SH2D2A: variants seen among roughly 807,000 people sequenced by gnomAD.
SH2D2A encodes the protein SH2 domain-containing protein 2A.
SH2D2A carries 33 observed loss-of-function variants against 43.6 expected under a neutral mutation model. That is an observed-to-expected ratio of 0.76 (90% CI 0.57 to 1.01). SH2D2A has a LOEUF of 1.01. Ranked by LOEUF, SH2D2A falls within the 50% of genes least tolerant of loss-of-function variation. The pLI is 0.00. For missense variants in SH2D2A, 491 were observed against 503.1 expected, an observed-to-expected ratio of 0.98 and a Z score of 0.23; for synonymous variants, 212 against 206.1, an observed-to-expected ratio of 1.03 and a Z score of -0.25.
In SH2D2A at chr1:156,815,765, G is replaced by A. The variant is rs1006353272; in HGVS notation, c.123+241C>T. On this transcript the variant is annotated intron_variant, in intron 2 of 8. Transcript: ENST00000368199. ...TCAATGCACTGCACCCTGGTCATCT[G>A]CGGACTCAGCCTGAGCTTCCAGAGG... 1.9e-6 allele frequency: 3 copies of A among 1,602,240 alleles called. No individual in the cohort carries two copies. The African/African-American group carries it at 4.0e-5, about 21-fold the overall frequency.
Position 156,809,577 on chromosome 1 carries a change from C to G in SH2D2A, c.714+84G>C. 6.4e-7 allele frequency: 1 copy of G among 1,550,838 alleles called. No individual in the cohort carries two copies. Among genetic ancestry groups the G allele is most frequent in the South Asian group, 1.2e-5 (1 of 80,690 alleles). Reference sequence around the variant, plus strand: ...CTAACTCCCAGCCTGAGCCTCTGCCCCCGCTAGGCCCCTCCTCCTCCCCGC... The same window carrying G: ...CTAACTCCCAGCCTGAGCCTCTGCCGCCGCTAGGCCCCTCCTCCTCCCCGC... On this transcript the variant is annotated intron_variant, in intron 6 of 8. Transcript: ENST00000368199. The surrounding 1 kb of genome is among the most constrained non-coding windows in gnomAD (Gnocchi z 4.8).
At chr1:156,814,853 C>A in intron 3 of SH2D2A, 184 bp downstream of exon 3, 1 of 511,168 alleles carries the variant, frequency 2.0e-6, no homozygotes, top group Non-Finnish European at 3.5e-6. Context: ...CCAATGATCT[C>A]CCCTGGAGAG....
In SH2D2A at chr1:156,809,174, C is replaced by G; in HGVS notation, c.1002+29G>C. 1 of 1,575,118 alleles carries G rather than the reference C, an allele frequency of 6.3e-7. No individual in the cohort carries two copies. The highest frequency in any genetic ancestry group is 1.4e-5 in the African/African-American group (1 of 74,002). On this transcript the variant is annotated intron_variant, in intron 7 of 8. Transcript: ENST00000368199. The surrounding 1 kb of genome is among the most constrained non-coding windows in gnomAD (Gnocchi z 4.8). ...ATCTACCTGCAGGGAGACCTTCTTG[C>G]ACCTACCTTTCCCTGCATACCCATT...
Position 156,812,348 on chromosome 1 carries a change from C to G in SH2D2A, c.567+1500G>C, listed in dbSNP as rs183454655. Reference sequence around the variant, plus strand: ...TGCATACAAGAGTCTACAGGGCCCCCCTCCCTCACCCCTCTGATCTCATCT... The same window carrying G: ...TGCATACAAGAGTCTACAGGGCCCCGCTCCCTCACCCCTCTGATCTCATCT... On this transcript the variant is annotated intron_variant, in intron 5 of 8. Transcript: ENST00000368199. Among the ~76,000 whole-genome samples, 13 of 152,230 alleles carry G rather than the reference C, an allele frequency of 8.5e-5. No individual in the cohort carries two copies. In the South Asian group the frequency reaches 1.0e-3, roughly 12 times the overall value.
At chr1:156,806,732 C>T (rs943546851) in intron 8 of SH2D2A, among the ~76,000 whole-genome samples, 159 bp from the exon 9 acceptor site, 4 of 152,204 alleles carry the variant, frequency 2.6e-5, no homozygotes, top group African/African-American at 7.2e-5. Context: ...TGGTAAGGAA[C>T]AAAGCACTAA....
Position 156,815,185 on chromosome 1 carries a change from C to T in SH2D2A, c.160G>A (p.Gly54Arg). Residue 54 changes from glycine (G) to arginine (R), a missense_variant, in exon 3 of 9, where the codon GGG becomes AGG. Gly to Arg is a moderately radical substitution (Grantham distance 125, BLOSUM62 -2). Transcript: ENST00000368199. Reference protein sequence around the residue: ...PQAPEAASNTGNAERAEEVPG... With the variant: ...PQAPEAASNTRNAERAEEVPG... ...ACCTCCTCTGCCCTCTCAGCATTCC[C>T]TGTGTTGGAGGCAGCCTCCGGGGCC... The T allele has an allele frequency of 1.3e-6, 2 of 1,592,634 alleles. No homozygotes were observed. Among genetic ancestry groups the T allele is most frequent in the South Asian group, 1.1e-5 (1 of 87,918 alleles).
At chr1:156,814,377 C>A in intron 3 of SH2D2A, 83 bp from the exon 4 acceptor site, 1 of 1,545,832 alleles carries the variant, frequency 6.5e-7, no homozygotes, top group Non-Finnish European at 8.7e-7. Flanking sequence ...CACGAGGAAC[C>A]CCTACCCCCA....
intron 5 of SH2D2A, 134 bp downstream of exon 5, chr1:156,813,714 G>C (rs1653585391): frequency 2.4e-6 from 2 of 818,930 alleles, no homozygotes; most frequent in African/African-American, 3.6e-5. Context: ...GAAGATGCCT[G>C]GGTAAGGGAG....
intron 5 of SH2D2A, among the ~76,000 whole-genome samples, chr1:156,810,509 T>TA (rs1653333007): frequency 6.6e-6 from 1 of 150,990 alleles, no homozygotes; most frequent in African/African-American, 2.4e-5. Flanking sequence ...CCGGTTACTT[T>TA]ATGGAAATAT....
chr1:156,806,952 A>C (rs1171447778), intron 8 of SH2D2A, among the ~76,000 whole-genome samples: 1 of 152,136 alleles, frequency 6.6e-6, no homozygotes, highest in African/African-American at 2.4e-5. Flanking sequence ...TGACCTTAAC[A>C]TCCTTTCCAA....
At position 156,809,817 on chromosome 1, in the gene SH2D2A, A is replaced by T; in HGVS notation, c.568-10T>A. The T allele has an allele frequency of 6.2e-7, 1 of 1,613,160 alleles. No homozygotes were observed. Among genetic ancestry groups the T allele is most frequent in the Non-Finnish European group, 8.5e-7 (1 of 1,179,470 alleles). ...CTGCAGGCTCAGGAGTCTGCTGGGA[A>T]AGAAGGAGGTCTGAGGCACTCGGTG... On this transcript the variant is annotated splice_polypyrimidine_tract_variant and intron_variant, in intron 5 of 8. Transcript: ENST00000368199. The surrounding 1 kb of genome is among the most constrained non-coding windows in gnomAD (Gnocchi z 4.8).
Position 156,807,275 on chromosome 1 carries a change from G to A in SH2D2A, c.1073C>T (p.Pro358Leu), listed in dbSNP as rs1452556358. 1.9e-6 allele frequency: 3 copies of A among 1,599,042 alleles called. No individual in the cohort carries two copies. In the East Asian group the frequency reaches 6.7e-5, roughly 36 times the overall value. ...IGQGPPLPHQ[P>L]PPAWRHTLPH... ...GAGGGTGTGTCTCCAGGCGGGTGGG[G>A]GCTGGTGGGGCAGGGGAGGGCCTTG... Residue 358 changes from proline (P) to leucine (L), a missense_variant, in exon 8 of 9, where the codon CCC becomes CTC. Coordinates refer to ENST00000368199, the MANE Select transcript of SH2D2A (RefSeq NM_003975.4). The surrounding 1 kb of genome is among the most constrained non-coding windows in gnomAD (Gnocchi z 5.1).
At position 156,806,593 on chromosome 1, in the gene SH2D2A, A is replaced by C. The variant is rs1198894390; in HGVS notation, c.*4-20T>G. ...CCAGACCTGTCAGGGGGACAGAGTT[A>C]AGCCAGGATCCACAGGAGGGGACCA... On this transcript the variant is annotated intron_variant, in intron 8 of 8. Coordinates refer to ENST00000368199, the MANE Select transcript of SH2D2A (RefSeq NM_003975.4). The C allele has an allele frequency of 6.4e-6, 1 of 156,432 alleles. No homozygotes were observed. The highest frequency in any genetic ancestry group is 1.4e-5 in the Non-Finnish European group (1 of 70,674). 9.7% of individuals were successfully genotyped at this position (156,432 alleles called of 1,614,324 possible). A position where few individuals can be genotyped will look rare whatever the true frequency, so the allele number is the denominator to read the frequency against.
At chr1:156,810,675 C>T (rs1281459784) in intron 5 of SH2D2A, among the ~76,000 whole-genome samples, 1 of 152,142 alleles carries the variant, frequency 6.6e-6, no homozygotes, top group African/African-American at 2.4e-5. Flanking sequence ...CGCCCACCAC[C>T]ACACCCAGCT....
intron 2 of SH2D2A, chr1:156,815,470 G>A (rs1385392141): frequency 2.6e-5 from 15 of 581,114 alleles, no homozygotes; most frequent in Non-Finnish European, 4.3e-5. Context: ...GCAGCAGTGA[G>A]CTGTCACACT....
intron 1 of SH2D2A, 185 bp from the exon 2 acceptor site, chr1:156,816,279 G>T: frequency 2.0e-6 from 1 of 502,314 alleles, no homozygotes; most frequent in Non-Finnish European, 2.6e-6. Context: ...CGGCATGGGG[G>T]GCTAATGCTG....
Position 156,815,222 on chromosome 1 carries a change from C to T in SH2D2A, c.124-1G>A. ...CAGCCTCCGGGGCCTGGGGAGATGC[C>T]TGGATCAGGGAAGAGTTCAAGGAGG... On this transcript the variant is annotated splice_acceptor_variant, in intron 2 of 8. Transcript: ENST00000368199. LOFTEE classifies it high-confidence loss of function. 6.6e-7 allele frequency: 1 copy of T among 1,507,412 alleles called. No individual in the cohort carries two copies. The highest frequency in any genetic ancestry group is 8.9e-7 in the Non-Finnish European group (1 of 1,123,918). 93.4% of individuals were successfully genotyped at this position (1,507,412 alleles called of 1,614,324 possible).
chr1:156,815,559 C>T (rs2102819704), intron 2 of SH2D2A: 2 of 608,644 alleles, frequency 3.3e-6, no homozygotes, highest in East Asian at 2.8e-5. Context: ...GATGAAGAAA[C>T]ATGATGCAGG....
chr1:156,809,270 C>T lies in SH2D2A; in HGVS notation c.935G>A (p.Gly312Asp), dbSNP rs1253434351. 1 of 1,614,096 alleles carries T rather than the reference C, an allele frequency of 6.2e-7. No homozygotes were observed. The highest frequency in any genetic ancestry group is 1.7e-5 in the Admixed American group (1 of 60,024). ...AGGGTGCCCAAGGGTGGCGGGTAGGCCCTCATCTTCCACTTCCACATAGAT... is the reference window on the plus strand; with the variant it reads ...AGGGTGCCCAAGGGTGGCGGGTAGGTCCTCATCTTCCACTTCCACATAGAT... ...SNIYVEVEDE[G>D]LPATLGHPVL... is the part of the protein sequence containing the mutation. The change falls in exon 7 of 9, where the codon GGC becomes GAC. Residue 312 changes from glycine (G) to aspartate (D), a missense_variant. Coordinates refer to ENST00000368199, the MANE Select transcript of SH2D2A (RefSeq NM_003975.4). The surrounding 1 kb of genome is among the most constrained non-coding windows in gnomAD (Gnocchi z 4.8).
Sources: allele counts gnomAD v4.1 joint callset (sites outside exome capture counted in the v4.1 genomes callset), GRCh38; gene constraint gnomAD v4.1.1; non-coding constraint Gnocchi (gnomAD v3.1); transcripts MANE v1.5; gene names NCBI Gene and HGNC (gene_info 2026-07-23, HGNC 2026-07-21).